RREB1: variants seen among roughly 807,000 people sequenced by gnomAD.
The protein encoded by RREB1 is ras-responsive element-binding protein 1.
RREB1 carries 27 observed loss-of-function variants against 117.8 expected under a neutral mutation model. That is an observed-to-expected ratio of 0.23 (90% CI 0.17 to 0.32). RREB1 has a LOEUF of 0.32. Among genes scored for constraint, RREB1 ranks in the 10% least tolerant of loss-of-function variants. The pLI is 1.00. For synonymous variants in RREB1, 1,298 were observed against 1,026.7 expected (o/e 1.26, Z -5.05); for missense variants, 2,577 against 2,378.2 (o/e 1.08, Z -1.74).
At chr6:7,240,100 T>G (rs568667990) in intron 10 of RREB1, among the ~76,000 whole-genome samples, 1 of 152,380 alleles carries the variant, frequency 6.6e-6, no homozygotes, top group South Asian at 2.1e-4. Context: ...ATAGGTGTTT[T>G]CTTGCTGTGC....
At position 7,231,602 on chromosome 6, in the gene RREB1, G is replaced by A. The variant is rs781503090; in HGVS notation, c.3503G>A (p.Gly1168Asp). Reference protein sequence around the residue: ...GMRSRPRANSGGVDLDSSGEF... With the variant: ...GMRSRPRANSDGVDLDSSGEF... ...AGGAGCCGACCCCGCGCCAACAGCG[G>A]CGGGGTGGACCTGGACTCCAGCGGG... Residue 1168 changes from glycine to aspartate, a missense_variant, in exon 10 of 13, where the codon GGC becomes GAC. Gly to Asp is a moderately conservative substitution (Grantham distance 94, BLOSUM62 -1). Transcript: ENST00000379938. The A allele has an allele frequency of 6.2e-7, 1 of 1,611,858 alleles. No individual in the cohort carries two copies. The highest frequency in any genetic ancestry group is 8.5e-7 in the Non-Finnish European group (1 of 1,179,632).
chr6:7,118,801 A>ATT (rs70978942), intron 1 of RREB1, among the ~76,000 whole-genome samples: 13 of 47,050 alleles, frequency 2.8e-4, no homozygotes, highest in East Asian at 1.7e-3. Context: ...GTTTTTTTTA[A>ATT]TTTTTTTTTT....
At position 7,231,949 on chromosome 6, in the gene RREB1, C is replaced by G. The variant is rs373005293; in HGVS notation, c.3808+42C>G. 5 of 1,533,458 alleles carry G rather than the reference C, an allele frequency of 3.3e-6. No individual in the cohort carries two copies. The African/African-American group carries it at 5.5e-5, about 17-fold the overall frequency. 95.0% of individuals were successfully genotyped at this position (1,533,458 alleles called of 1,614,324 possible). On this transcript the variant is annotated intron_variant, in intron 10 of 12. Coordinates refer to ENST00000379938, the MANE Select transcript of RREB1 (RefSeq NM_001003699.4). ...GCTCCCAGGCAGTGAGTCCTACTTC[C>G]TGGTAGGGGGAGCCACGAGTGGGGG...
At chr6:7,117,950 A>T (rs1761487674) in intron 1 of RREB1, among the ~76,000 whole-genome samples, 1 of 152,208 alleles carries the variant, frequency 6.6e-6, no homozygotes, top group South Asian at 2.1e-4. Context: ...TTTTTATACA[A>T]GATGAAATCC....
rs1347890934 is a variant in RREB1 at position 7,231,239 on chromosome 6, C to G, written c.3140C>G (p.Pro1047Arg). 6.2e-7 allele frequency: 1 copy of G among 1,612,556 alleles called. No individual in the cohort carries two copies. Among genetic ancestry groups the G allele is most frequent in the Non-Finnish European group, 8.5e-7 (1 of 1,179,662 alleles). ...SGTALLRPLR[P>R]KPPLLLPKPP... ...ACAGCCTTGCTGCGTCCACTGCGGC[C>G]CAAGCCCCCGCTGCTTTTGCCAAAG... The change falls in exon 10 of 13, where the codon CCC becomes CGC. Residue 1047 changes from proline (P) to arginine (R), a missense_variant. Physicochemically the swap from Pro to Arg is moderately radical, Grantham distance 103. Coordinates refer to ENST00000379938, the MANE Select transcript of RREB1 (RefSeq NM_001003699.4).
intron 6 of RREB1, among the ~76,000 whole-genome samples, chr6:7,208,752 C>T (rs1453009528): frequency 2.6e-5 from 4 of 152,222 alleles, no homozygotes; most frequent in Admixed American, 2.6e-4. Context: ...GCTGTGGGCT[C>T]CTCACCCTCT....
At chr6:7,178,640 G>A (rs1202611305) in intron 2 of RREB1, among the ~76,000 whole-genome samples, 2 of 152,208 alleles carry the variant, frequency 1.3e-5, no homozygotes, top group African/African-American at 4.8e-5. Context: ...GTTCCTTCTG[G>A]AACAGATTCT....
intron 6 of RREB1, 24 bp from the exon 7 acceptor site, chr6:7,210,780 T>C (rs772758232): frequency 6.3e-7 from 1 of 1,583,114 alleles, no homozygotes; most frequent in South Asian, 1.1e-5. Flanking sequence ...TAGATCACAT[T>C]GTGTGTGTGT....
At chr6:7,159,706 G>A (rs2113457438) in intron 1 of RREB1, among the ~76,000 whole-genome samples, 1 of 152,210 alleles carries the variant, frequency 6.6e-6, no homozygotes, top group East Asian at 1.9e-4. Flanking sequence ...TGAAACTGAT[G>A]GCAGTAGTAA....
chr6:7,222,058 G>A (rs1014373822), intron 8 of RREB1, among the ~76,000 whole-genome samples: 13 of 152,202 alleles, frequency 8.5e-5, no homozygotes, highest in Non-Finnish European at 1.2e-4. Context: ...AAGAAGGAAA[G>A]GAACAGGAGA....
rs185171148 is a variant in RREB1 at position 7,165,207 on chromosome 6, C to G, written c.-284-11448C>G. Among the ~76,000 whole-genome samples, 79 of 152,286 alleles carry G rather than the reference C, an allele frequency of 5.2e-4. 2 individuals are homozygous for G. In the East Asian group the frequency reaches 0.014, roughly 27 times the overall value. Reference sequence around the variant, plus strand: ...AGGCTCTGGAGGCAAATATTTTAAACAAGTCAAACAGCCCCTCTAGGCGAG... The same window carrying G: ...AGGCTCTGGAGGCAAATATTTTAAAGAAGTCAAACAGCCCCTCTAGGCGAG... On this transcript the variant is annotated intron_variant, in intron 1 of 12. Transcript: ENST00000379938.
intron 1 of RREB1, among the ~76,000 whole-genome samples, chr6:7,171,523 G>A (rs1764208149): frequency 6.6e-6 from 1 of 152,226 alleles, no homozygotes; most frequent in African/African-American, 2.4e-5. Flanking sequence ...TTATTACATT[G>A]CTCTACCACG....
chr6:7,179,320 T>C (rs1363517703), intron 2 of RREB1, among the ~76,000 whole-genome samples: 2 of 152,186 alleles, frequency 1.3e-5, no homozygotes, highest in African/African-American at 2.4e-5. Flanking sequence ...GATGGGGTCT[T>C]GCTGTTTTGC....
At position 7,128,810 on chromosome 6, in the gene RREB1, A is replaced by G. The variant is rs531331108; in HGVS notation, c.-285+20750A>G. Among the ~76,000 whole-genome samples the G allele has an allele frequency of 1.1e-3, 168 of 152,260 alleles. 1 individual carries two copies. Among genetic ancestry groups the G allele is most frequent in the South Asian group, 4.8e-3 (23 of 4,816 alleles). ...ATGGTGAAACCCCATCTCTATTAAA[A>G]ATAGAAAAATTAGCCAGGTGTGGTG... is the stretch of plus-strand genomic sequence containing the variant. On this transcript the variant is annotated intron_variant, in intron 1 of 12. Coordinates refer to ENST00000379938, the MANE Select transcript of RREB1 (RefSeq NM_001003699.4).
At chr6:7,152,704 A>G (rs1454541978) in intron 1 of RREB1, among the ~76,000 whole-genome samples, 1 of 152,226 alleles carries the variant, frequency 6.6e-6, no homozygotes, top group East Asian at 1.9e-4. Flanking sequence ...GGGTCCCTTC[A>G]TCTCAGTGCT....
intron 8 of RREB1, among the ~76,000 whole-genome samples, chr6:7,223,066 G>A (rs1767355526): frequency 6.6e-6 from 1 of 151,886 alleles, no homozygotes; most frequent in Non-Finnish European, 1.5e-5. Context: ...ACCAGCCTAG[G>A]CAACATGGTG....
At chr6:7,110,114 T>A (rs1024231325) in intron 1 of RREB1, among the ~76,000 whole-genome samples, 9 of 152,194 alleles carry the variant, frequency 5.9e-5, no homozygotes, top group Non-Finnish European at 7.3e-5. Context: ...ATATTTTTTT[T>A]CCCCTTTATA....
At chr6:7,123,188 C>T (rs1336629258) in intron 1 of RREB1, among the ~76,000 whole-genome samples, 1 of 151,548 alleles carries the variant, frequency 6.6e-6, no homozygotes, top group Non-Finnish European at 1.5e-5. Context: ...GACAGAGTCT[C>T]ACTCTGTTGC....
chr6:7,230,810 A>G lies in RREB1; in HGVS notation c.2711A>G (p.Gln904Arg). The G allele has an allele frequency of 6.2e-7, 1 of 1,614,216 alleles. No homozygotes were observed. Residue 904 changes from glutamine (Q) to arginine (R), a missense_variant, in exon 10 of 13, where the codon CAG becomes CGG. By Grantham distance (43) the Gln-to-Arg change is conservative. Coordinates refer to ENST00000379938, the MANE Select transcript of RREB1 (RefSeq NM_001003699.4). ...TTCAATGAGCCCCTGGACTTCTCGCAGAAGGGCCTGGCCCTGGTCCAAGTG... is the reference window on the plus strand; with the variant it reads ...TTCAATGAGCCCCTGGACTTCTCGCGGAAGGGCCTGGCCCTGGTCCAAGTG... ...VDFNEPLDFS[Q>R]KGLALVQVKQ...
Sources: allele counts gnomAD v4.1 joint callset (sites outside exome capture counted in the v4.1 genomes callset), GRCh38; gene constraint gnomAD v4.1.1; transcripts MANE v1.5; gene names NCBI Gene and HGNC (gene_info 2026-07-23, HGNC 2026-07-21).